The following ADAMTSL4 variants were observed in gnomAD, a reference collection of about 807,000 sequenced individuals.
The protein encoded by ADAMTSL4 is ADAMTS like 4, also known as ADAMTS-like protein 4.
A neutral mutation model predicts 122.8 loss-of-function variants in ADAMTSL4; 97 were observed. That is an observed-to-expected ratio of 0.79 (90% confidence interval 0.67 to 0.93). ADAMTSL4 has a LOEUF of 0.93. ADAMTSL4 is among the 40% of genes least tolerant of loss of function. The pLI, the probability that ADAMTSL4 is intolerant of heterozygous loss-of-function variation, is 0.00. For missense variants in ADAMTSL4, 1,408 were observed against 1,453.5 expected (o/e 0.97, Z 0.51); for synonymous variants, 592 against 568.0 (o/e 1.04, Z -0.60).
rs1277271229 is a variant in ADAMTSL4 at position 150,557,179 on chromosome 1, C to T, written c.1891C>T (p.Pro631Ser). 3 of 1,611,684 alleles carry T rather than the reference C, an allele frequency of 1.9e-6. No individual in the cohort carries two copies. Among genetic ancestry groups the T allele is most frequent in the South Asian group, 1.1e-5 (1 of 91,076 alleles). Residue 631 changes from proline (P) to serine (S), a missense_variant, in exon 12 of 19, where the codon CCG becomes TCG. Coordinates refer to ENST00000271643, the MANE Select transcript of ADAMTSL4 (RefSeq NM_019032.6). The stretch of plus-strand genomic sequence containing the variant: ...TCTGAGGGTGGAGCCCCCACTTGCT[C>T]CGGCACCCCGCCCAGCCCGGACCCC... ...EILRVEPPLA[P>S]APRPARTPGT...
chr1:150,555,478 C>T lies in ADAMTSL4; in HGVS notation c.1284C>T (p.Arg428=). ...TGAACTGCCGGCCCCGTGGCTTCCGCTTCTATGTCCGTCACACTGAAAAGG... is the reference window on the plus strand; with the variant it reads ...TGAACTGCCGGCCCCGTGGCTTCCGTTTCTATGTCCGTCACACTGAAAAGG... ...CELNCRPRGF[R]FYVRHTEKVQ... The change falls in exon 8 of 19, where the codon CGC becomes CGT. Residue 428 remains arginine (R), a synonymous_variant. Transcript: ENST00000271643. 1.9e-6 allele frequency: 3 copies of T among 1,614,202 alleles called. No homozygotes were observed. Among genetic ancestry groups the T allele is most frequent in the Non-Finnish European group, 2.5e-6 (3 of 1,180,020 alleles).
chr1:150,558,930 C>T, intron 15 of ADAMTSL4, 32 bp from the exon 16 acceptor site: 1 of 1,576,586 alleles, frequency 6.3e-7, no homozygotes, highest in East Asian at 2.3e-5. Context: ...CACCAGCAGG[C>T]CCCTCACACA....
At chr1:150,553,306 T>C in intron 5 of ADAMTSL4, 53 bp downstream of exon 5, 1 of 1,608,138 alleles carries the variant, frequency 6.2e-7, no homozygotes, top group African/African-American at 1.3e-5. Context: ...GGGCTTAGCA[T>C]GAAGGAAAGG....
Position 150,556,639 on chromosome 1 carries a change from G to A in ADAMTSL4, c.1595G>A (p.Gly532Asp). ...SNYLALRGPG[G>D]RSIINGNWAV... is the part of the protein sequence containing the mutation. Reference sequence around the variant, plus strand: ...CCCGCAGCACTTCGTGGCCCTGGGGGCCGGTCCATCATCAATGGGAACTGG... The same window carrying A: ...CCCGCAGCACTTCGTGGCCCTGGGGACCGGTCCATCATCAATGGGAACTGG... Residue 532 changes from glycine (G) to aspartate (D), a missense_variant, in exon 10 of 19, where the codon GGC (glycine) becomes GAC (aspartate). By Grantham distance (94) the Gly-to-Asp change is moderately conservative (BLOSUM62 -1). Transcript: ENST00000271643. The surrounding 1 kb of genome is among the most constrained non-coding windows in gnomAD (Gnocchi z 4.1). The A allele has an allele frequency of 1.2e-6, 2 of 1,614,030 alleles. No individual in the cohort carries two copies. The highest frequency in any genetic ancestry group is 1.7e-6 in the Non-Finnish European group (2 of 1,180,000).
chr1:150,559,544 T>G lies in ADAMTSL4; in HGVS notation c.2943+78T>G, dbSNP rs1672572126. ...GGGGAGCTCCTCTCGCTGTACCCCCTCCAGGTCTCTCTGTGCCCCAGAATA... is the reference window on the plus strand; with the variant it reads ...GGGGAGCTCCTCTCGCTGTACCCCCGCCAGGTCTCTCTGTGCCCCAGAATA... On this transcript the variant is annotated intron_variant, in intron 17 of 18. Coordinates refer to ENST00000271643, the MANE Select transcript of ADAMTSL4 (RefSeq NM_019032.6). The surrounding 1 kb of genome is among the most constrained non-coding windows in gnomAD (Gnocchi z 4.1). The G allele has an allele frequency of 6.3e-7, 1 of 1,592,174 alleles. No individual in the cohort carries two copies. Among genetic ancestry groups the G allele is most frequent in the East Asian group, 2.2e-5 (1 of 44,690 alleles).
chr1:150,554,413 T>C lies in ADAMTSL4; in HGVS notation c.1180T>C (p.Phe394Leu), dbSNP rs1421047631. ...PDPRALQCAA[F>L]NSQEFMGQLY... is the part of the protein sequence containing the mutation. ...CCCCCGGGCCCTGCAGTGCGCAGCC[T>C]TTAACTCCCAGGAATTCATGGGCCA... Residue 394 changes from phenylalanine (F) to leucine (L), a missense_variant, in exon 7 of 19, where the codon TTT (phenylalanine) becomes CTT (leucine). By Grantham distance (22) the Phe-to-Leu change is conservative. Transcript: ENST00000271643. The surrounding 1 kb of genome is among the most constrained non-coding windows in gnomAD (Gnocchi z 4.0). 6.2e-7 allele frequency: 1 copy of C among 1,613,926 alleles called. No individual in the cohort carries two copies. The highest frequency in any genetic ancestry group is 8.5e-7 in the Non-Finnish European group (1 of 1,180,010).
In ADAMTSL4 at chr1:150,553,766, G is replaced by A; in HGVS notation, c.775G>A (p.Gly259Ser). 1 of 1,608,046 alleles carries A rather than the reference G, an allele frequency of 6.2e-7. No homozygotes were observed. Among genetic ancestry groups the A allele is most frequent in the Non-Finnish European group, 8.5e-7 (1 of 1,174,576 alleles). Reference sequence around the variant, plus strand: ...GCATCACCCCAGAGCCCAGGCCTCTGGCACAGAGCCCCCCTCACCCACGCA... The same window carrying A: ...GCATCACCCCAGAGCCCAGGCCTCTAGCACAGAGCCCCCCTCACCCACGCA... ...LRHHPRAQAS[G>S]TEPPSPTHSL... The change falls in exon 6 of 19, where the codon GGC (glycine) becomes AGC (serine). Residue 259 changes from glycine (G) to serine (S), a missense_variant. Transcript: ENST00000271643.
In ADAMTSL4 at chr1:150,553,930, C is replaced by A. The variant is rs6681639; in HGVS notation, c.939C>A (p.Gly313=). The part of the protein sequence containing the change: ...PSVPRGRGQQ[G]QGPWGTGGTP... ...TCCCTCGGGGCCGAGGCCAGCAGGG[C>A]CAAGGGCCTTGGGGAACGGGGGGGA... is the stretch of plus-strand genomic sequence containing the variant. Residue 313 remains glycine (G), a synonymous_variant, in exon 6 of 19, where the codon GGC becomes GGA. Transcript: ENST00000271643. The A allele has an allele frequency of 1.2e-6, 2 of 1,609,804 alleles. No homozygotes were observed. Among genetic ancestry groups the A allele is most frequent in the Admixed American group, 3.4e-5 (2 of 59,160 alleles).
intron 11 of ADAMTSL4, 29 bp from the exon 12 acceptor site, chr1:150,557,121 G>C: frequency 6.2e-7 from 1 of 1,612,966 alleles, no homozygotes; most frequent in Non-Finnish European, 8.5e-7. Context: ...CAGTGGGGTG[G>C]CATCTGATTC....
Position 150,554,487 on chromosome 1 carries a change from C to A in ADAMTSL4, c.1234+20C>A, listed in dbSNP as rs1469284537. ...CTGAAGGTGAGGTTTCTTGCTCACC[C>A]CTGGGCAGTGGTGGCTTGGAATTGG... On this transcript the variant is annotated intron_variant, in intron 7 of 18. Coordinates refer to ENST00000271643, the MANE Select transcript of ADAMTSL4 (RefSeq NM_019032.6). This position sits in a 1 kb window ranked among gnomAD's most constrained non-coding sequence, Gnocchi z 4.0. 3.7e-6 allele frequency: 6 copies of A among 1,613,652 alleles called. No individual in the cohort carries two copies.
Position 150,555,577 on chromosome 1 carries a change from C to T in ADAMTSL4, c.1371+12C>T, listed in dbSNP as rs1220093440. ...CTGGACGCTGTCTGGTGAGGGAAGA[C>T]AGTGTGTGTGTGCACACACACATGC... On this transcript the variant is annotated intron_variant, in intron 8 of 18. Transcript: ENST00000271643. The T allele has an allele frequency of 1.2e-6, 2 of 1,611,964 alleles. No individual in the cohort carries two copies. The highest frequency in any genetic ancestry group is 2.7e-5 in the African/African-American group (2 of 73,858).
Position 150,559,230 on chromosome 1 carries a change from C to A in ADAMTSL4, c.2764-57C>A. 1.2e-6 allele frequency: 2 copies of A among 1,612,856 alleles called. No homozygotes were observed. Among genetic ancestry groups the A allele is most frequent in the South Asian group, 1.1e-5 (1 of 90,912 alleles). Reference sequence around the variant, plus strand: ...GTCCCAGTGGGATTCCTTGTGGGCACTTGGGGTGCTCTCTGTCCTCCCCTC... The same window carrying A: ...GTCCCAGTGGGATTCCTTGTGGGCAATTGGGGTGCTCTCTGTCCTCCCCTC... On this transcript the variant is annotated intron_variant, in intron 16 of 18. Coordinates refer to ENST00000271643, the MANE Select transcript of ADAMTSL4 (RefSeq NM_019032.6). The surrounding 1 kb of genome is among the most constrained non-coding windows in gnomAD (Gnocchi z 4.1).
In ADAMTSL4 at chr1:150,554,768, G is replaced by C; in HGVS notation, c.1234+301G>C. On this transcript the variant is annotated intron_variant, in intron 7 of 18. Coordinates refer to ENST00000271643, the MANE Select transcript of ADAMTSL4 (RefSeq NM_019032.6). The surrounding 1 kb of genome is among the most constrained non-coding windows in gnomAD (Gnocchi z 4.0). Reference sequence around the variant, plus strand: ...AGAGGGCCATGGTGGGAGAGATCCTGTCCAGCCGTGACAGCCAGGTGGGGG... The same window carrying C: ...AGAGGGCCATGGTGGGAGAGATCCTCTCCAGCCGTGACAGCCAGGTGGGGG... The C allele has an allele frequency of 9.3e-7, 1 of 1,079,448 alleles. No individual in the cohort carries two copies. Among genetic ancestry groups the C allele is most frequent in the South Asian group, 1.6e-5 (1 of 63,760 alleles). 66.9% of individuals were successfully genotyped at this position (1,079,448 alleles called of 1,614,324 possible). A position where few individuals can be genotyped will look rare whatever the true frequency, so the allele number is the denominator to read the frequency against.
In ADAMTSL4 at chr1:150,559,158, G is replaced by A; in HGVS notation, c.2756G>A (p.Trp919Ter). The A allele has an allele frequency of 6.2e-7, 1 of 1,612,476 alleles. No individual in the cohort carries two copies. The highest frequency in any genetic ancestry group is 8.5e-7 in the Non-Finnish European group (1 of 1,179,698). The change falls in exon 16 of 19, where the codon TGG (tryptophan) becomes TAG (stop). Residue 919 changes from tryptophan to a stop codon, truncating the protein, a stop_gained. Transcript: ENST00000271643. LOFTEE classifies it high-confidence loss of function. This position sits in a 1 kb window ranked among gnomAD's most constrained non-coding sequence, Gnocchi z 4.1. ...ERTWRWYTGP[W>*]GECSSECGSG... ...ACTTGGCGCTGGTACACAGGGCCCT[G>A]GGGTGAGGTAAGCTGAGCGCCTGCT...
At chr1:150,557,393 C>T (rs587658732) in intron 12 of ADAMTSL4, 58 bp downstream of exon 12, 32 of 1,602,836 alleles carry the variant, frequency 2.0e-5, no homozygotes, top group Middle Eastern at 1.7e-4. Flanking sequence ...CTGACACTCC[C>T]GCATCCTGGA....
At position 150,552,454 on chromosome 1, in the gene ADAMTSL4, A is replaced by G; in HGVS notation, c.21-89A>G. 3.8e-6 allele frequency: 6 copies of G among 1,593,430 alleles called. No individual in the cohort carries two copies. The highest frequency in any genetic ancestry group is 1.1e-5 in the South Asian group (1 of 90,032). ...GCTTTCTGAGAAGTTGGTAGTCAGGATATGGGAGCCGGCTGGGGGCGGAGG... is the reference window on the plus strand; with the variant it reads ...GCTTTCTGAGAAGTTGGTAGTCAGGGTATGGGAGCCGGCTGGGGGCGGAGG... On this transcript the variant is annotated intron_variant, in intron 3 of 18. Transcript: ENST00000271643. The surrounding 1 kb of genome is among the most constrained non-coding windows in gnomAD (Gnocchi z 4.0).
chr1:150,550,497 G>A, intron 2 of ADAMTSL4: 2 of 368,868 alleles, frequency 5.4e-6, no homozygotes, highest in Non-Finnish European at 1.1e-5. Flanking sequence ...CCCGTGGAGA[G>A]GGGCTGCGAG....
At position 150,558,587 on chromosome 1, in the gene ADAMTSL4, A is replaced by G. The variant is rs1187981594; in HGVS notation, c.2497A>G (p.Arg833Gly). 1.2e-6 allele frequency: 2 copies of G among 1,613,716 alleles called. No individual in the cohort carries two copies. Among genetic ancestry groups the G allele is most frequent in the South Asian group, 1.1e-5 (1 of 91,076 alleles). ...GTCAGGCCCCCCGCAGCCCCCCAGC[A>G]GAGAGGCCTGTGACATGGGGCCCTG... ...CASGPPQPPS[R>G]EACDMGPCTT... The change falls in exon 15 of 19, where the codon AGA (arginine) becomes GGA (glycine). Residue 833 changes from arginine (R) to glycine (G), a missense_variant. Arg to Gly is a moderately radical substitution (Grantham distance 125). Transcript: ENST00000271643.
chr1:150,555,938 G>A, intron 8 of ADAMTSL4: 1 of 620,100 alleles, frequency 1.6e-6, no homozygotes, highest in South Asian at 1.9e-5. Context: ...TGAGATCACT[G>A]AGGGAGAATT....
Sources: gnomAD v4.1 joint callset for allele counts on GRCh38, gnomAD v4.1.1 for gene constraint, Gnocchi (gnomAD v3.1) non-coding constraint, MANE v1.5 for transcripts, NCBI Gene and HGNC (gene_info 2026-07-23, HGNC 2026-07-21) for gene names.